The following COX7B2 variants were observed in gnomAD, a reference collection of about 807,000 sequenced individuals.
COX7B2 encodes the protein cytochrome c oxidase subunit 7B2, mitochondrial.
For missense variants in COX7B2, 109 were observed against 95.9 expected (o/e 1.14, Z -0.57); for synonymous variants, 37 against 32.1 (o/e 1.15, Z -0.51).
intron 2 of COX7B2, among the ~76,000 whole-genome samples, chr4:46,789,472 G>A (rs1717924553): frequency 6.6e-6 from 1 of 152,108 alleles, no homozygotes; most frequent in Non-Finnish European, 1.5e-5. Flanking sequence ...TTTTTGAGTT[G>A]TCTGTTAATT....
intron 1 of COX7B2, among the ~76,000 whole-genome samples, chr4:46,874,529 A>G (rs1718200269): frequency 6.6e-6 from 1 of 152,202 alleles, no homozygotes; most frequent in South Asian, 2.1e-4. Context: ...ACTACCAAAG[A>G]ACATATGGAC....
chr4:46,873,991 G>A (rs908577161), intron 1 of COX7B2, among the ~76,000 whole-genome samples: 20 of 152,132 alleles, frequency 1.3e-4, no homozygotes, highest in African/African-American at 4.8e-4. Flanking sequence ...AAATTATCAG[G>A]AGACTGAAAT....
chr4:46,888,505 G>A (rs551019190), intron 1 of COX7B2, among the ~76,000 whole-genome samples: 3 of 150,870 alleles, frequency 2.0e-5, no homozygotes, highest in East Asian at 2.0e-4. Context: ...GTGCAGTGGC[G>A]CGATCTAGGC....
intron 1 of COX7B2, among the ~76,000 whole-genome samples, chr4:46,853,381 A>AGAAGAG (rs1716820284): frequency 6.6e-6 from 1 of 152,180 alleles, no homozygotes; most frequent in African/African-American, 2.4e-5. Context: ...ACAGTCAGAA[A>AGAAGAG]TCTGACTCTC....
At chr4:46,882,436 T>C (rs1427011594) in intron 1 of COX7B2, among the ~76,000 whole-genome samples, 1 of 152,218 alleles carries the variant, frequency 6.6e-6, no homozygotes, top group Non-Finnish European at 1.5e-5. Flanking sequence ...TACGTCTCTT[T>C]GTAGGTCTCT....
chr4:46,841,841 C>T (rs1468301406), intron 2 of COX7B2, among the ~76,000 whole-genome samples: 5 of 151,914 alleles, frequency 3.3e-5, no homozygotes, highest in African/African-American at 9.7e-5. Context: ...GTAGCAATTA[C>T]AGGAAATCTG....
At chr4:46,833,795 A>AT (rs1491188435) in intron 2 of COX7B2, among the ~76,000 whole-genome samples, 5 of 152,214 alleles carry the variant, frequency 3.3e-5, no homozygotes, top group Admixed American at 1.3e-4. Context: ...ATCTTTACAG[A>AT]TAAGGCAAAA....
At chr4:46,873,198 C>A (rs1247616630) in intron 1 of COX7B2, among the ~76,000 whole-genome samples, 1 of 152,072 alleles carries the variant, frequency 6.6e-6, no homozygotes, top group Non-Finnish European at 1.5e-5. Context: ...TATATGTGCC[C>A]ATATTTTCTT....
intron 1 of COX7B2, among the ~76,000 whole-genome samples, chr4:46,900,725 A>G (rs184340974): frequency 2.0e-5 from 3 of 152,262 alleles, no homozygotes; most frequent in East Asian, 1.9e-4. Flanking sequence ...AAGAGGCCCA[A>G]TGAAGCTTGT....
chr4:46,854,673 A>C (rs975748813), intron 1 of COX7B2, among the ~76,000 whole-genome samples: 2 of 152,206 alleles, frequency 1.3e-5, no homozygotes, highest in Non-Finnish European at 2.9e-5. Flanking sequence ...ATCTGGCAGC[A>C]TGTATCAAAA....
chr4:46,823,515 C>T (rs1324572384), intron 2 of COX7B2, among the ~76,000 whole-genome samples: 2 of 150,924 alleles, frequency 1.3e-5, no homozygotes, highest in East Asian at 1.9e-4. Context: ...TTCTAAATAA[C>T]TTATCAATTG....
intron 2 of COX7B2, among the ~76,000 whole-genome samples, chr4:46,765,401 G>A (rs1487181686): frequency 6.6e-6 from 1 of 152,108 alleles, no homozygotes; most frequent in Non-Finnish European, 1.5e-5. Flanking sequence ...CCTAGTACTA[G>A]ACCAGCCGCA....
At chr4:46,741,591 G>A (rs1417308690) in intron 2 of COX7B2, among the ~76,000 whole-genome samples, 2 of 151,832 alleles carry the variant, frequency 1.3e-5, no homozygotes, top group Non-Finnish European at 2.9e-5. Flanking sequence ...AATTATCCTG[G>A]TCCCTACCAT....
chr4:46,752,815 G>T (rs1445569813), intron 2 of COX7B2, among the ~76,000 whole-genome samples: 1 of 152,106 alleles, frequency 6.6e-6, no homozygotes, highest in Non-Finnish European at 1.5e-5. Context: ...GCTGGATTTG[G>T]TTTGTCAGTA....
chr4:46,870,232 AC>A (rs1164357087), intron 1 of COX7B2, among the ~76,000 whole-genome samples: 1 of 152,088 alleles, frequency 6.6e-6, no homozygotes, highest in Non-Finnish European at 1.5e-5. Flanking sequence ...AAGGACAAAA[AC>A]CACATGATTA....
At chr4:46,827,149 G>A (rs1030260157) in intron 2 of COX7B2, among the ~76,000 whole-genome samples, 2 of 151,728 alleles carry the variant, frequency 1.3e-5, no homozygotes, top group African/African-American at 4.8e-5. Flanking sequence ...AGTTCCAGGA[G>A]AATAGAGACA....
chr4:46,759,328 G>C (rs753387730), intron 2 of COX7B2, among the ~76,000 whole-genome samples: 1 of 151,980 alleles, frequency 6.6e-6, no homozygotes, highest in African/African-American at 2.4e-5. Context: ...TATACTCAGA[G>C]ATTTTTTTCT....
chr4:46,833,779 ATAT>A (rs1255018837), intron 2 of COX7B2, among the ~76,000 whole-genome samples: 1 of 152,222 alleles, frequency 6.6e-6, no homozygotes. Context: ...GCTTTTGTAA[ATAT>A]TAATCTTTAC....
intron 1 of COX7B2, among the ~76,000 whole-genome samples, 195 bp from the exon 2 acceptor site, chr4:46,845,209 G>T (rs1009462974): frequency 6.6e-6 from 1 of 152,090 alleles, no homozygotes; most frequent in South Asian, 2.1e-4. Flanking sequence ...TAAAGCACAT[G>T]ACAAGGGCCT....
Sources: allele counts gnomAD v4.1 joint callset (sites outside exome capture counted in the v4.1 genomes callset), GRCh38; gene constraint gnomAD v4.1.1; transcripts MANE v1.5; gene names NCBI Gene and HGNC (gene_info 2026-07-23, HGNC 2026-07-21).